The following OXR1 variants were observed in gnomAD, a reference collection of about 807,000 sequenced individuals.
OXR1 encodes oxidation resistance 1.
OXR1 carries 41 observed loss-of-function variants against 104.6 expected under a neutral mutation model. That is an observed-to-expected ratio of 0.39 (90% CI 0.31 to 0.51). The LOEUF (loss-of-function observed/expected upper bound fraction) is 0.51, where lower values mean the gene tolerates loss of function less well. Among genes scored for constraint, OXR1 ranks in the 20% least tolerant of loss-of-function variants. OXR1 has a pLI of 0.77. For synonymous variants in OXR1, 348 were observed against 348.4 expected, an observed-to-expected ratio of 1.00 and a Z score of 0.01; for missense variants, 955 against 1,031.9, an observed-to-expected ratio of 0.93 and a Z score of 1.02.
At chr8:106,543,443 T>C (rs527464495) in intron 3 of OXR1, among the ~76,000 whole-genome samples, 3 of 152,234 alleles carry the variant, frequency 2.0e-5, no homozygotes, top group African/African-American at 7.2e-5. Flanking sequence ...CCACAACTGG[T>C]ATGGTATCTT....
chr8:106,721,787 T>C (rs902909967), intron 11 of OXR1, among the ~76,000 whole-genome samples: 11 of 152,206 alleles, frequency 7.2e-5, no homozygotes, highest in Admixed American at 2.0e-4. Context: ...TTGACTTTAG[T>C]ATTTAGTGCT....
intron 1 of OXR1, among the ~76,000 whole-genome samples, chr8:106,328,173 C>G (rs1243759951): frequency 6.6e-6 from 1 of 152,156 alleles, no homozygotes; most frequent in South Asian, 2.1e-4. Context: ...GCTAACAATC[C>G]AGTGTTTATT....
At chr8:106,576,984 A>G (rs1817883953) in intron 3 of OXR1, among the ~76,000 whole-genome samples, 2 of 152,124 alleles carry the variant, frequency 1.3e-5, no homozygotes, top group South Asian at 4.1e-4. Context: ...TCTATTTTGT[A>G]GGAGTAACTT....
chr8:106,673,436 A>G (rs1447536194), intron 3 of OXR1, among the ~76,000 whole-genome samples: 1 of 152,192 alleles, frequency 6.6e-6, no homozygotes. Flanking sequence ...TTATGGATTC[A>G]CAAAGAGATG....
chr8:106,427,558 CT>C lies in OXR1; in HGVS notation c.23+67925del, dbSNP rs945278743. On this transcript the variant is annotated intron_variant, in intron 2 of 16. Coordinates refer to ENST00000517566, the MANE Select transcript of OXR1 (RefSeq NM_001198533.2). Reference sequence around the variant, plus strand: ...CGTCACTGTATATTGTCATCAGTTGCTTTAACTTGGCAGCTGCTGTTATTGT... The same window carrying C: ...CGTCACTGTATATTGTCATCAGTTGCTTAACTTGGCAGCTGCTGTTATTGT... Among the ~76,000 whole-genome samples the C allele has an allele frequency of 1.6e-3, 242 of 152,270 alleles. 2 individuals are homozygous for C. The highest frequency in any genetic ancestry group is 5.6e-3 in the African/African-American group (232 of 41,548).
intron 3 of OXR1, among the ~76,000 whole-genome samples, chr8:106,624,165 A>C (rs989313931): frequency 2.0e-5 from 3 of 152,198 alleles, no homozygotes; most frequent in African/African-American, 7.2e-5. Flanking sequence ...CTTTCATTGA[A>C]ACCATTGGCA....
intron 2 of OXR1, among the ~76,000 whole-genome samples, chr8:106,476,082 T>G (rs1586691519): frequency 6.7e-6 from 1 of 149,594 alleles, no homozygotes; most frequent in South Asian, 2.1e-4. Context: ...CCGGATTTTC[T>G]TGACATTCTC....
At chr8:106,427,829 G>T (rs1819196807) in intron 2 of OXR1, among the ~76,000 whole-genome samples, 1 of 152,106 alleles carries the variant, frequency 6.6e-6, no homozygotes, top group East Asian at 1.9e-4. Flanking sequence ...GGGGCACATG[G>T]TCTTAGTTGG....
chr8:106,354,862 A>T (rs1815893984), intron 1 of OXR1, among the ~76,000 whole-genome samples: 1 of 152,114 alleles, frequency 6.6e-6, no homozygotes, highest in African/African-American at 2.4e-5. Flanking sequence ...TTACAACTAA[A>T]CGAATTTATT....
intron 2 of OXR1, among the ~76,000 whole-genome samples, chr8:106,483,404 A>C (rs2129768864): frequency 6.6e-6 from 1 of 151,538 alleles, no homozygotes; most frequent in South Asian, 2.1e-4. Context: ...AGCCATTAAA[A>C]CCATCCACTT....
chr8:106,674,117 CT>C (rs1000014291), intron 3 of OXR1, among the ~76,000 whole-genome samples: 73 of 152,296 alleles, frequency 4.8e-4, no homozygotes, highest in African/African-American at 1.6e-3. Flanking sequence ...CCACTGACAG[CT>C]TGCACTGTGC....
At position 106,575,035 on chromosome 8, in the gene OXR1, T is replaced by C. The variant is rs143407590; in HGVS notation, c.220+55896T>C. On this transcript the variant is annotated intron_variant, in intron 3 of 16. Coordinates refer to ENST00000517566, the MANE Select transcript of OXR1 (RefSeq NM_001198533.2). ...CAGTTTTGCATTATTTATCCTGATATTAATAATATACATTTTTCTCACACC... is the reference window on the plus strand; with the variant it reads ...CAGTTTTGCATTATTTATCCTGATACTAATAATATACATTTTTCTCACACC... 8.8e-4 allele frequency among the ~76,000 whole-genome samples: 134 copies of C among 152,278 alleles called. 2 individuals are homozygous for C. Among genetic ancestry groups the C allele is most frequent in the Non-Finnish European group, 3.5e-4 (24 of 68,006 alleles).
chr8:106,729,776 C>T (rs986871183), intron 11 of OXR1: 2 of 151,964 alleles, frequency 1.3e-5, no homozygotes, highest in Non-Finnish European at 2.9e-5. Flanking sequence ...GGGGGCTTTC[C>T]AGTGAAATTT....
chr8:106,597,196 A>C (rs1349617549), intron 3 of OXR1, among the ~76,000 whole-genome samples: 2 of 152,132 alleles, frequency 1.3e-5, no homozygotes, highest in East Asian at 3.9e-4. Context: ...CCCCAAGACG[A>C]TGCTGTTCAA....
chr8:106,506,930 GA>G lies in OXR1; in HGVS notation c.24-12001del, dbSNP rs80220185. On this transcript the variant is annotated intron_variant, in intron 2 of 16. Coordinates refer to ENST00000517566, the MANE Select transcript of OXR1 (RefSeq NM_001198533.2). The stretch of plus-strand genomic sequence containing the variant: ...ACATAATGAGACCCTGTGTCTTCCA[GA>G]AAAAAAAAAAAGTTGGGCACAGTGG... Among the ~76,000 whole-genome samples the G allele has an allele frequency of 5.4e-3, 770 of 143,072 alleles. 8 individuals are homozygous for G. Among genetic ancestry groups the G allele is most frequent in the African/African-American group, 0.018 (711 of 39,388 alleles). 93.9% of individuals were successfully genotyped at this position (143,072 alleles called of 152,430 possible).
chr8:106,284,921 A>G (rs549308417), intron 1 of OXR1, among the ~76,000 whole-genome samples: 2 of 152,290 alleles, frequency 1.3e-5, no homozygotes, highest in South Asian at 4.1e-4. Flanking sequence ...CTGTAATTGA[A>G]TTGAATTGAC....
intron 3 of OXR1, among the ~76,000 whole-genome samples, chr8:106,598,112 C>T (rs989734323): frequency 2.0e-4 from 31 of 152,194 alleles, no homozygotes; most frequent in African/African-American, 6.5e-4. Flanking sequence ...TAATATTTCT[C>T]CTTTAGAGTC....
intron 2 of OXR1, among the ~76,000 whole-genome samples, chr8:106,481,540 T>A (rs548045411): frequency 6.6e-6 from 1 of 152,044 alleles, no homozygotes; most frequent in South Asian, 2.1e-4. Flanking sequence ...TTGATTGAAA[T>A]TGAGGAAAAG....
rs28924701 is a variant in OXR1 at position 106,750,517 on chromosome 8, A to G, written c.2487-289A>G. Among the ~76,000 whole-genome samples, 345 of 151,658 alleles carry G rather than the reference A, an allele frequency of 2.3e-3. 1 individual carries two copies. Among genetic ancestry groups the G allele is most frequent in the African/African-American group, 7.7e-3 (320 of 41,384 alleles). ...ATTTTTTTTGTATTTTTTAGTAGAG[A>G]CAGGGTTTCTCCATGTTGGTCAGGC... On this transcript the variant is annotated intron_variant, in intron 16 of 16. Transcript: ENST00000517566.
Sources: gnomAD v4.1 joint callset for allele counts (sites outside exome capture counted in the v4.1 genomes callset) on GRCh38, gnomAD v4.1.1 for gene constraint, MANE v1.5 for transcripts, NCBI Gene and HGNC (gene_info 2026-07-23, HGNC 2026-07-21) for gene names.